ZNF609: variants seen among roughly 807,000 people sequenced by gnomAD.
The protein encoded by ZNF609 is zinc finger protein 609.
A neutral mutation model predicts 109.5 loss-of-function variants in ZNF609; 11 were observed. The ratio of observed to expected loss-of-function variants is 0.10; its 90% CI spans 0.06 to 0.17. The LOEUF (loss-of-function observed/expected upper bound fraction) is 0.17. ZNF609 is among the 10% of genes least tolerant of loss of function. ZNF609 has a pLI of 1.00. For missense variants in ZNF609, 1,559 were observed against 1,772.4 expected, an observed-to-expected ratio of 0.88 and a Z score of 2.16; for synonymous variants, 646 against 662.0, an observed-to-expected ratio of 0.98 and a Z score of 0.37.
intron 2 of ZNF609, among the ~76,000 whole-genome samples, chr15:64,571,527 T>G (rs754006067): frequency 6.6e-6 from 1 of 152,092 alleles, no homozygotes; most frequent in Non-Finnish European, 1.5e-5. Flanking sequence ...TCCTTTTGGG[T>G]GGTGATTGTA....
chr15:64,503,446 G>A (rs558690091), intron 2 of ZNF609, among the ~76,000 whole-genome samples: 1 of 152,286 alleles, frequency 6.6e-6, no homozygotes, highest in East Asian at 1.9e-4. Flanking sequence ...GGAAGGGGAG[G>A]TAGGGAGGAG....
At chr15:64,486,942 CCTT>C (rs1440150490) in intron 1 of ZNF609, among the ~76,000 whole-genome samples, 2 of 152,020 alleles carry the variant, frequency 1.3e-5, no homozygotes, top group African/African-American at 4.8e-5. Context: ...CTCTTACTGC[CCTT>C]CTCTTCGTAT....
At chr15:64,473,175 T>C (rs1026769732) in intron 1 of ZNF609, among the ~76,000 whole-genome samples, 2 of 151,364 alleles carry the variant, frequency 1.3e-5, no homozygotes, top group African/African-American at 4.9e-5. Context: ...TTAAAACTTT[T>C]GACTCATATT....
At chr15:64,629,090 A>G (rs1230250439) in intron 3 of ZNF609, among the ~76,000 whole-genome samples, 1 of 152,170 alleles carries the variant, frequency 6.6e-6, no homozygotes, top group African/African-American at 2.4e-5. Context: ...TGCCTTGGTC[A>G]TAAATCTCAT....
chr15:64,586,602 A>G (rs1692276363), intron 2 of ZNF609, among the ~76,000 whole-genome samples: 1 of 152,124 alleles, frequency 6.6e-6, no homozygotes, highest in South Asian at 2.1e-4. Flanking sequence ...TGAATGCCTG[A>G]TGATCTGAGG....
chr15:64,486,450 G>A (rs551223609), intron 1 of ZNF609, among the ~76,000 whole-genome samples: 1 of 151,956 alleles, frequency 6.6e-6, no homozygotes, highest in African/African-American at 2.4e-5. Flanking sequence ...CTTGAACCCG[G>A]GAGGTGGAGG....
intron 1 of ZNF609, among the ~76,000 whole-genome samples, chr15:64,497,441 A>G (rs1197539700): frequency 1.3e-5 from 2 of 152,022 alleles, no homozygotes; most frequent in African/African-American, 4.8e-5. Flanking sequence ...TCTTGCCCCT[A>G]CACCCTAGTT....
chr15:64,514,607 C>T (rs767935236), intron 2 of ZNF609, among the ~76,000 whole-genome samples: 30 of 151,828 alleles, frequency 2.0e-4, no homozygotes, highest in Non-Finnish European at 4.1e-4. Flanking sequence ...CTAGCCTCTT[C>T]TCACTTTCAC....
chr15:64,497,089 A>G (rs917561418), intron 1 of ZNF609, among the ~76,000 whole-genome samples: 8 of 152,318 alleles, frequency 5.3e-5, no homozygotes, highest in African/African-American at 1.7e-4. Flanking sequence ...TGGTGGGATT[A>G]CAGGCATGAG....
At chr15:64,480,149 G>A (rs1471975732) in intron 1 of ZNF609, among the ~76,000 whole-genome samples, 1 of 152,044 alleles carries the variant, frequency 6.6e-6, no homozygotes, top group Non-Finnish European at 1.5e-5. Context: ...TGAGGCAGGA[G>A]AATCGCTTGA....
At chr15:64,681,601 A>G in intron 9 of ZNF609, 91 bp from the exon 10 acceptor site, 1 of 428,388 alleles carries the variant, frequency 2.3e-6, no homozygotes, top group African/African-American at 2.0e-5. Context: ...AGTACTGGCC[A>G]CTCCTACAAT....
chr15:64,513,031 TAATA>T (rs1373555496), intron 2 of ZNF609, among the ~76,000 whole-genome samples: 1 of 151,996 alleles, frequency 6.6e-6, no homozygotes, highest in Non-Finnish European at 1.5e-5. Flanking sequence ...AAAATTTTAA[TAATA>T]AATTAATATA....
chr15:64,619,206 C>T (rs56095421), intron 2 of ZNF609, among the ~76,000 whole-genome samples: 9,290 of 152,182 alleles, frequency 0.061, 291 homozygotes, highest in South Asian at 0.087. Flanking sequence ...CACAATGTTG[C>T]CCTGGCTGGT....
At chr15:64,469,126 G>A (rs1893057853) in intron 1 of ZNF609, among the ~76,000 whole-genome samples, 1 of 151,218 alleles carries the variant, frequency 6.6e-6, no homozygotes, top group African/African-American at 2.4e-5. Flanking sequence ...AGCCGTGTGT[G>A]GTGGCACATG....
At chr15:64,544,757 G>A (rs868087892) in intron 2 of ZNF609, among the ~76,000 whole-genome samples, 5 of 152,182 alleles carry the variant, frequency 3.3e-5, no homozygotes, top group South Asian at 4.1e-4. Flanking sequence ...GTCAGCAAGC[G>A]AACCCCTTTT....
chr15:64,588,765 A>C (rs2140936292), intron 2 of ZNF609, among the ~76,000 whole-genome samples: 1 of 152,042 alleles, frequency 6.6e-6, no homozygotes, highest in Non-Finnish European at 1.5e-5. Flanking sequence ...CAGCTTCCCA[A>C]GTAGCTGGGA....
At chr15:64,663,382 T>C (rs190360551) in intron 3 of ZNF609, among the ~76,000 whole-genome samples, 14 of 152,216 alleles carry the variant, frequency 9.2e-5, no homozygotes, top group East Asian at 5.8e-4. Flanking sequence ...TTACCTCAGA[T>C]AGGGAGAATT....
chr15:64,622,354 A>G (rs1360484055), intron 2 of ZNF609, among the ~76,000 whole-genome samples: 1 of 152,074 alleles, frequency 6.6e-6, no homozygotes, highest in Non-Finnish European at 1.5e-5. Flanking sequence ...AAATTCATGG[A>G]TTTTATGCCA....
At chr15:64,464,044 C>T (rs1892977814) in intron 1 of ZNF609, among the ~76,000 whole-genome samples, 1 of 152,076 alleles carries the variant, frequency 6.6e-6, no homozygotes, top group Non-Finnish European at 1.5e-5. Flanking sequence ...CCCCAACTAC[C>T]CGTCCCAGCT....
Sources: allele counts gnomAD v4.1 joint callset (sites outside exome capture counted in the v4.1 genomes callset), GRCh38; gene constraint gnomAD v4.1.1; transcripts MANE v1.5; gene names NCBI Gene and HGNC (gene_info 2026-07-23, HGNC 2026-07-21).